Variants in MTRF1L observed in about 807,000 individuals in gnomAD.
MTRF1L encodes the protein peptide chain release factor 1-like, mitochondrial.
MTRF1L carries 29 observed loss-of-function variants against 40.0 expected under a neutral mutation model. The observed-to-expected ratio is 0.73, with a 90% CI of 0.54 to 0.99. MTRF1L has a LOEUF of 0.99. MTRF1L is among the 50% of genes least tolerant of loss of function. The pLI, the probability that MTRF1L is intolerant of heterozygous loss-of-function variation, is 0.00. For missense variants in MTRF1L, 412 were observed against 464.5 expected (o/e 0.89, Z 1.04); for synonymous variants, 150 against 175.8 (o/e 0.85, Z 1.16).
At position 152,989,911 on chromosome 6, in the gene MTRF1L, A is replaced by G. The variant is rs1440476843; in HGVS notation, c.1127T>C (p.Ile376Thr). Reference sequence around the variant, plus strand: ...CAAATCAACTTAAACTTTTTGGGAAATAATTTCTACTAAAGATTCATAATC... The same window carrying G: ...CAAATCAACTTAAACTTTTTGGGAAGTAATTTCTACTAAAGATTCATAATC... ...YADYESLVEIISQKV is the reference protein window; with the variant it reads ...YADYESLVEITSQKV Residue 376 changes from isoleucine to threonine, a missense_variant, in exon 7 of 7, where the codon ATT becomes ACT. Physicochemically the swap from Ile to Thr is moderately conservative, Grantham distance 89. Coordinates refer to ENST00000367233, the MANE Select transcript of MTRF1L (RefSeq NM_019041.7). 1 of 1,610,866 alleles carries G rather than the reference A, an allele frequency of 6.2e-7. No homozygotes were observed. Among genetic ancestry groups the G allele is most frequent in the Middle Eastern group, 1.7e-4 (1 of 6,046 alleles).
chr6:152,991,448 T>TA (rs1584093491), intron 5 of MTRF1L, 127 bp from the exon 6 acceptor site: 5 of 1,120,582 alleles, frequency 4.5e-6, no homozygotes, highest in South Asian at 1.7e-5. Context: ...AGGACTCTAA[T>TA]AAAAAAGGGA....
chr6:152,995,907 C>T (rs1199609732), intron 2 of MTRF1L, among the ~76,000 whole-genome samples: 1 of 152,132 alleles, frequency 6.6e-6, no homozygotes, highest in Non-Finnish European at 1.5e-5. Context: ...AGTTACTGGC[C>T]AAGCAGGCAC....
chr6:152,996,213 G>A (rs1161432092), intron 2 of MTRF1L, among the ~76,000 whole-genome samples: 1 of 152,132 alleles, frequency 6.6e-6, no homozygotes, highest in African/African-American at 2.4e-5. Context: ...TTAAGTGGAA[G>A]AGCTAGAATT....
At chr6:153,002,382 G>C (rs777166388) in intron 1 of MTRF1L, 45 bp downstream of exon 1, 35 of 1,613,646 alleles carry the variant, frequency 2.2e-5, no homozygotes, top group Non-Finnish European at 2.7e-5. Context: ...CAAACGAAGA[G>C]TCAAGAATGT....
At position 152,994,570 on chromosome 6, in the gene MTRF1L, CT is replaced by C; in HGVS notation, c.629del (p.Lys210SerfsTer10). On this transcript the variant is annotated frameshift_variant, in exon 4 of 7. Coordinates refer to ENST00000367233, the MANE Select transcript of MTRF1L (RefSeq NM_019041.7). LOFTEE classifies it high-confidence loss of function. ...TGGTGCTAGTATGGACGCGGCCTTG[CT>C]TTTCTGTCTTTGGCACTCTTTGTAC... ...HRVQRVPKTEKQGRVHTSTMT... is the reference protein window; with the variant it reads ...HRVQRVPKTEXQGRVHTSTMT... The C allele has an allele frequency of 1.2e-6, 2 of 1,612,842 alleles. No homozygotes were observed. The highest frequency in any genetic ancestry group is 1.7e-6 in the Non-Finnish European group (2 of 1,179,988).
intron 3 of MTRF1L, 97 bp downstream of exon 3, chr6:152,995,039 A>C (rs1321016088): frequency 8.9e-7 from 1 of 1,123,192 alleles, no homozygotes. Flanking sequence ...ATAAAACTAC[A>C]TAAGCATCCT....
chr6:152,991,553 CTTTT>C (rs1252495633), intron 5 of MTRF1L: 4 of 360,166 alleles, frequency 1.1e-5, no homozygotes, highest in South Asian at 3.4e-5. Context: ...TTCTTTCTTT[CTTTT>C]TTTGTCTGAG....
intron 2 of MTRF1L, among the ~76,000 whole-genome samples, chr6:152,996,483 G>A (rs1054722302): frequency 4.6e-5 from 7 of 152,114 alleles, no homozygotes; most frequent in African/African-American, 1.7e-4. Flanking sequence ...TCACCTTATA[G>A]TGGAATTCTC....
intron 2 of MTRF1L, among the ~76,000 whole-genome samples, chr6:152,996,038 C>T (rs1186258993): frequency 1.3e-5 from 2 of 152,164 alleles, no homozygotes; most frequent in Non-Finnish European, 2.9e-5. Flanking sequence ...AAGCTACCAA[C>T]ATTTTATTGG....
intron 3 of MTRF1L, 80 bp downstream of exon 3, chr6:152,995,056 T>A: frequency 8.0e-7 from 1 of 1,255,076 alleles, no homozygotes; most frequent in Non-Finnish European, 1.1e-6. Flanking sequence ...TCCTCACAGA[T>A]AAGTTCTAAA....
At chr6:152,992,399 T>G (rs11756873) in intron 5 of MTRF1L, among the ~76,000 whole-genome samples, 23,750 of 152,246 alleles carry the variant, frequency 0.16, 2,373 homozygotes, top group Non-Finnish European at 0.22. Context: ...AAGAAGCCCC[T>G]GCAATTATAT....
At chr6:152,992,784 T>A in intron 5 of MTRF1L, 73 bp downstream of exon 5, 1 of 1,106,284 alleles carries the variant, frequency 9.0e-7, no homozygotes, top group Non-Finnish European at 1.4e-6. Flanking sequence ...AGGATCTATT[T>A]CAGTGGAAAA....
rs748727246 is a variant in MTRF1L at position 152,994,526 on chromosome 6, G to T, written c.674C>A (p.Pro225His). The T allele has an allele frequency of 6.2e-7, 1 of 1,610,872 alleles. No homozygotes were observed. The highest frequency in any genetic ancestry group is 8.5e-7 in the Non-Finnish European group (1 of 1,179,250). The change falls in exon 4 of 7, where the codon CCC becomes CAC. Residue 225 changes from proline (P) to histidine (H), a missense_variant. Coordinates refer to ENST00000367233, the MANE Select transcript of MTRF1L (RefSeq NM_019041.7). ...CTTATGCCTTACCTCAGTAGGCTGG[G>T]GTAATATTGCTACAGTCATGGTGCT... ...HTSTMTVAIL[P>H]QPTEINLVIN...
rs117111543 is a variant in MTRF1L, at chr6:152,993,078, T to C, written c.688-104A>G. 3.3e-3 allele frequency: 2,752 copies of C among 833,038 alleles called. 12 individuals carry two copies. Among genetic ancestry groups the C allele is most frequent in the Middle Eastern group, 0.017 (71 of 4,186 alleles). 51.6% of individuals were successfully genotyped at this position (833,038 alleles called of 1,614,324 possible). A position where few individuals can be genotyped will look rare whatever the true frequency, so the allele number is the denominator to read the frequency against. ...ATACAACATGTACAGAATTCATATA[T>C]TTGGGAGGTTTAATTTTAAGACTAG... On this transcript the variant is annotated intron_variant, in intron 4 of 6. Transcript: ENST00000367233.
chr6:152,994,776 A>G (rs1778656650), intron 3 of MTRF1L, 100 bp from the exon 4 acceptor site: 1 of 1,386,728 alleles, frequency 7.2e-7, no homozygotes, highest in Non-Finnish European at 1.0e-6. Context: ...TTAAAGTCAT[A>G]AAAGGAGATG....
intron 4 of MTRF1L, among the ~76,000 whole-genome samples, chr6:152,994,025 A>C (rs1010715576): frequency 3.7e-4 from 56 of 152,190 alleles, no homozygotes; most frequent in African/African-American, 1.4e-3. Context: ...TCCTACACTA[A>C]GTTATCTTAA....
intron 4 of MTRF1L, 42 bp from the exon 5 acceptor site, chr6:152,993,016 T>A (rs776272683): frequency 2.0e-6 from 3 of 1,490,492 alleles, no homozygotes; most frequent in Non-Finnish European, 2.8e-6. Flanking sequence ...ATTACATGTA[T>A]CAACTTTATA....
intron 6 of MTRF1L, 132 bp from the exon 7 acceptor site, chr6:152,990,227 A>G (rs1311379691): frequency 3.2e-6 from 4 of 1,231,354 alleles, no homozygotes; most frequent in Non-Finnish European, 4.4e-6. Flanking sequence ...TTAAACACTT[A>G]GAATCTCAAA....
In MTRF1L at chr6:152,991,297, T is replaced by G. The variant is rs767021417; in HGVS notation, c.830A>C (p.Glu277Ala). The G allele has an allele frequency of 3.1e-6, 5 of 1,599,978 alleles. No individual in the cohort carries two copies. Among genetic ancestry groups the G allele is most frequent in the Non-Finnish European group, 4.3e-6 (5 of 1,175,534 alleles). The change falls in exon 6 of 7, where the codon GAG (glutamate) becomes GCG (alanine). Residue 277 changes from glutamate to alanine, a missense_variant. Physicochemically the swap from Glu to Ala is moderately radical, Grantham distance 107. Coordinates refer to ENST00000367233, the MANE Select transcript of MTRF1L (RefSeq NM_019041.7). ...PTGVVSECQQ[E>A]RSQLKNKELA... ...CTCTTTATTTTTCAGCTGAGATCTC[T>G]CTTGTTGACATTCAGAAACAACACC...
Sources: allele counts gnomAD v4.1 joint callset (sites outside exome capture counted in the v4.1 genomes callset), GRCh38; gene constraint gnomAD v4.1.1; transcripts MANE v1.5; gene names NCBI Gene and HGNC (gene_info 2026-07-23, HGNC 2026-07-21).